DENND1A: variants seen among roughly 807,000 people sequenced by gnomAD.
The protein encoded by DENND1A is DENN domain containing 1A, also known as DENN domain-containing protein 1A.
A neutral mutation model predicts 113.7 loss-of-function variants in DENND1A; 51 were observed. That is an observed-to-expected ratio of 0.45 (90% CI 0.36 to 0.57). The LOEUF is 0.57. DENND1A is among the 20% of genes least tolerant of loss of function. DENND1A has a pLI of 0.00. For missense variants in DENND1A, 1,258 were observed against 1,395.9 expected, an observed-to-expected ratio of 0.90 and a Z score of 1.57; for synonymous variants, 565 against 570.8, an observed-to-expected ratio of 0.99 and a Z score of 0.14.
intron 1 of DENND1A, chr9:123,928,479 T>G: frequency 1.2e-6 from 1 of 863,570 alleles, no homozygotes; most frequent in South Asian, 5.3e-5. Flanking sequence ...AAACGACATC[T>G]TTTTACCTCC....
At chr9:123,548,744 G>T (rs2056862720) in intron 13 of DENND1A, among the ~76,000 whole-genome samples, 1 of 152,248 alleles carries the variant, frequency 6.6e-6, no homozygotes, top group African/African-American at 2.4e-5. Context: ...AAAGAGGGCT[G>T]AAGTTCTGAT....
chr9:123,588,147 T>A (rs1322370904), intron 11 of DENND1A, among the ~76,000 whole-genome samples: 2 of 151,688 alleles, frequency 1.3e-5, no homozygotes, highest in African/African-American at 4.8e-5. Context: ...TGGTGGTACA[T>A]GCCTGTAATC....
At chr9:123,641,207 C>G (rs555354578) in intron 9 of DENND1A, among the ~76,000 whole-genome samples, 3 of 152,128 alleles carry the variant, frequency 2.0e-5, no homozygotes, top group Non-Finnish European at 4.4e-5. Flanking sequence ...TTATGACAGC[C>G]ATGTCTGCCA....
At chr9:123,680,156 A>G (rs2064348338) in intron 5 of DENND1A, among the ~76,000 whole-genome samples, 1 of 152,126 alleles carries the variant, frequency 6.6e-6, no homozygotes, top group African/African-American at 2.4e-5. Flanking sequence ...ATCATGACCC[A>G]ATCAGAAGAC....
At chr9:123,612,665 C>T (rs1320350991) in intron 10 of DENND1A, among the ~76,000 whole-genome samples, 1 of 152,156 alleles carries the variant, frequency 6.6e-6, no homozygotes, top group East Asian at 1.9e-4. Context: ...CTAGAGTAGA[C>T]ATTAAGTTGC....
At chr9:123,793,271 A>G (rs115928474) in intron 2 of DENND1A, among the ~76,000 whole-genome samples, 1 of 152,300 alleles carries the variant, frequency 6.6e-6, no homozygotes, top group African/African-American at 2.4e-5. Flanking sequence ...ATACAAATAC[A>G]TGGCAGAAAA....
At chr9:123,920,362 G>A (rs140846927) in intron 1 of DENND1A, among the ~76,000 whole-genome samples, 2 of 152,300 alleles carry the variant, frequency 1.3e-5, no homozygotes, top group Non-Finnish European at 2.9e-5. Flanking sequence ...CCAGGAGGTA[G>A]TAATTGCAGT....
At chr9:123,390,812 G>A (rs2042802726) in intron 21 of DENND1A, among the ~76,000 whole-genome samples, 1 of 152,242 alleles carries the variant, frequency 6.6e-6, no homozygotes, top group African/African-American at 2.4e-5. Context: ...CCCCGGCTCG[G>A]GCCAAATGGA....
intron 12 of DENND1A, among the ~76,000 whole-genome samples, chr9:123,582,092 C>T (rs1042069429): frequency 2.0e-5 from 3 of 152,090 alleles, no homozygotes; most frequent in African/African-American, 4.8e-5. Context: ...AAGTGCAATG[C>T]GGAGGGTGCA....
intron 1 of DENND1A, among the ~76,000 whole-genome samples, chr9:123,907,682 C>T (rs955380737): frequency 3.3e-5 from 5 of 150,216 alleles, no homozygotes; most frequent in Non-Finnish European, 7.4e-5. Flanking sequence ...AACCACTGCT[C>T]AAGGAAATAA....
At chr9:123,636,172 C>G (rs1196426295) in intron 9 of DENND1A, among the ~76,000 whole-genome samples, 1 of 152,140 alleles carries the variant, frequency 6.6e-6, no homozygotes, top group Non-Finnish European at 1.5e-5. Flanking sequence ...TTAGGTCACC[C>G]CATCTCCATC....
chr9:123,760,335 A>C (rs2070930874), intron 4 of DENND1A, among the ~76,000 whole-genome samples: 1 of 152,250 alleles, frequency 6.6e-6, no homozygotes, highest in Admixed American at 6.5e-5. Context: ...ATTAAAATTA[A>C]AGGAATTTTC....
At chr9:123,551,561 C>T (rs1258360846) in intron 13 of DENND1A, among the ~76,000 whole-genome samples, 1 of 152,176 alleles carries the variant, frequency 6.6e-6, no homozygotes, top group Non-Finnish European at 1.5e-5. Flanking sequence ...CGCTCCATCC[C>T]CTGTGTGTAA....
chr9:123,735,861 T>C lies in DENND1A; in HGVS notation c.302+21842A>G, dbSNP rs530586673. Among the ~76,000 whole-genome samples, 179 of 152,200 alleles carry C rather than the reference T, an allele frequency of 1.2e-3. 1 individual carries two copies. Among genetic ancestry groups the C allele is most frequent in the Admixed American group, 2.4e-3 (37 of 15,278 alleles). On this transcript the variant is annotated intron_variant, in intron 5 of 23. Transcript: ENST00000394215. ...CAAAAATACAAAAATTAGCCGGGCA[T>C]GATGGTGTACACCTGTAGTCCCAGC...
At chr9:123,535,973 G>A (rs551751030) in intron 13 of DENND1A, among the ~76,000 whole-genome samples, 2 of 152,254 alleles carry the variant, frequency 1.3e-5, no homozygotes, top group South Asian at 4.1e-4. Flanking sequence ...ATCTGGCAGT[G>A]GTAGCAGCAG....
chr9:123,546,460 G>A (rs973032977), intron 13 of DENND1A, among the ~76,000 whole-genome samples: 23 of 152,020 alleles, frequency 1.5e-4, no homozygotes, highest in Admixed American at 1.5e-3. Flanking sequence ...GCTGAGGCAG[G>A]AGAATGGTGT....
At chr9:123,483,050 A>G (rs2050480106) in intron 13 of DENND1A, among the ~76,000 whole-genome samples, 1 of 152,220 alleles carries the variant, frequency 6.6e-6, no homozygotes, top group Non-Finnish European at 1.5e-5. Context: ...CTGCCAAGGA[A>G]GCACTGTGTC....
rs573550874 is a variant in DENND1A at position 123,646,362 on chromosome 9, T to C, written c.618+5651A>G. On this transcript the variant is annotated intron_variant, in intron 9 of 23. Coordinates refer to ENST00000394215, the MANE Select transcript of DENND1A (RefSeq NM_001352964.2). ...TAGGTAACTCTCTTGAGGAATTCTG[T>C]TCTGAAAGGGAGACTAGAAATGGGA... Among the ~76,000 whole-genome samples the C allele has an allele frequency of 2.0e-5, 3 of 152,212 alleles. No individual in the cohort carries two copies. The East Asian group carries it at 5.8e-4, about 29-fold the overall frequency.
At position 123,729,180 on chromosome 9, in the gene DENND1A, C is replaced by T. The variant is rs111592740; in HGVS notation, c.302+28523G>A. ...ATGCTGAATGGGCAAAAACTGGAAG[C>T]ATTCCCTTTGAAAACCAGCACAAGG... is the stretch of plus-strand genomic sequence containing the variant. On this transcript the variant is annotated intron_variant, in intron 5 of 23. Transcript: ENST00000394215. Among the ~76,000 whole-genome samples the T allele has an allele frequency of 6.7e-3, 1,019 of 152,286 alleles. 16 individuals are homozygous for T. The highest frequency in any genetic ancestry group is 0.023 in the African/African-American group (967 of 41,552).
Sources: gnomAD v4.1 joint callset for allele counts (sites outside exome capture counted in the v4.1 genomes callset) on GRCh38, gnomAD v4.1.1 for gene constraint, MANE v1.5 for transcripts, NCBI Gene and HGNC (gene_info 2026-07-23, HGNC 2026-07-21) for gene names.